The following RTEL1 variants were observed in gnomAD, a reference collection of about 807,000 sequenced individuals.
The protein encoded by RTEL1 is regulator of telomere elongation helicase 1.
A neutral mutation model predicts 162.2 loss-of-function variants in RTEL1; 86 were observed. That is an observed-to-expected ratio of 0.53 (90% CI 0.45 to 0.63). The LOEUF (loss-of-function observed/expected upper bound fraction) is 0.63, where lower values mean the gene tolerates loss of function less well. Ranked by LOEUF, RTEL1 falls within the 30% of genes least tolerant of loss-of-function variation. The pLI is 0.00. For synonymous variants in RTEL1, 958 were observed against 717.9 expected (o/e 1.33, Z -5.35); for missense variants, 1,941 against 1,750.2 (o/e 1.11, Z -1.95).
At chr20:63,678,478 G>A in intron 12 of RTEL1, 132 bp downstream of exon 12, 2 of 811,272 alleles carry the variant, frequency 2.5e-6, no homozygotes, top group Non-Finnish European at 3.9e-6. Flanking sequence ...TTGAGACCTG[G>A]GAGGAGCACC....
chr20:63,680,086 C>A (rs372678263), intron 13 of RTEL1, 140 bp downstream of exon 13: 11 of 635,714 alleles, frequency 1.7e-5, no homozygotes, highest in South Asian at 9.7e-5. Flanking sequence ...ATCTTCTGAT[C>A]GGGGCGTGGA....
intron 30 of RTEL1, among the ~76,000 whole-genome samples, chr20:63,694,118 C>T (rs982679095): frequency 7.2e-5 from 11 of 152,132 alleles, no homozygotes; most frequent in Non-Finnish European, 1.2e-4. Context: ...CTGGGATATC[C>T]TCATGCCTGC....
At chr20:63,666,757 T>C (rs975450652) in intron 7 of RTEL1, among the ~76,000 whole-genome samples, 1 of 151,980 alleles carries the variant, frequency 6.6e-6, no homozygotes, top group South Asian at 2.1e-4. Context: ...GCCAGTCTCC[T>C]GAGCTCGAGA....
At chr20:63,688,631 C>T (rs2090650940) in intron 21 of RTEL1, 26 bp downstream of exon 21, 6 of 1,583,654 alleles carry the variant, frequency 3.8e-6, no homozygotes, top group Middle Eastern at 1.8e-4. Context: ...GGGCTCTGGG[C>T]CTGCTGCCCC....
Position 63,693,260 on chromosome 20 carries a change from C to A in RTEL1, c.2969C>A (p.Ala990Glu), listed in dbSNP as rs370171864. 3 of 1,611,916 alleles carry A rather than the reference C, an allele frequency of 1.9e-6. No homozygotes were observed. Among genetic ancestry groups the A allele is most frequent in the Non-Finnish European group, 2.5e-6 (3 of 1,179,430 alleles). Reference sequence around the variant, plus strand: ...CACAGCATTCCCCGAAGGCAGCGGGCACAGCCGGTCCTGGACCCCACTGGT... The same window carrying A: ...CACAGCATTCCCCGAAGGCAGCGGGAACAGCCGGTCCTGGACCCCACTGGT... Reference protein sequence around the residue: ...PEHSIPRRQRAQPVLDPTGRT... With the variant: ...PEHSIPRRQREQPVLDPTGRT... Residue 990 changes from alanine to glutamate, a missense_variant, in exon 30 of 35, where the codon GCA becomes GAA. Coordinates refer to ENST00000360203, the MANE Select transcript of RTEL1 (RefSeq NM_001283009.2).
At position 63,695,455 on chromosome 20, in the gene RTEL1, C is replaced by A; in HGVS notation, c.3627C>A (p.Pro1209=). Residue 1209 remains proline (P), a synonymous_variant, in exon 34 of 35, where the codon CCC becomes CCA. Transcript: ENST00000360203. Reference sequence around the variant, plus strand: ...GTCCCAGCCAGTCCTCAGGACCTCCCCACGGGCCTGCAGCATCTGAGTGGG... The same window carrying A: ...GTCCCAGCCAGTCCTCAGGACCTCCACACGGGCCTGCAGCATCTGAGTGGG... ...DAGPSQSSGP[P]HGPAASEWGE... 1 of 1,590,744 alleles carries A rather than the reference C, an allele frequency of 6.3e-7. No individual in the cohort carries two copies. Among genetic ancestry groups the A allele is most frequent in the Admixed American group, 1.7e-5 (1 of 58,564 alleles).
intron 10 of RTEL1, 144 bp downstream of exon 10, chr20:63,674,237 C>T (rs1286098456): frequency 3.6e-6 from 5 of 1,406,228 alleles, no homozygotes; most frequent in African/African-American, 1.6e-5. Context: ...CTGCAGTGGG[C>T]AGCCTGCCCT....
At chr20:63,693,327 G>C (rs6011034) in intron 30 of RTEL1, 44 bp downstream of exon 30, 10 of 1,606,828 alleles carry the variant, frequency 6.2e-6, no homozygotes, top group African/African-American at 1.3e-5. Flanking sequence ...CTGCGTGGAA[G>C]GCAGTGTGGG....
chr20:63,688,369 A>G lies in RTEL1; in HGVS notation c.1705A>G (p.Ser569Gly). ...CCCTTCCTATCCTGTCATGGAGAAG[A>G]GCCTGGAGTTCTGGCGGGTGCGTCT... is the stretch of plus-strand genomic sequence containing the variant. The part of the protein sequence containing the change: ...FFPSYPVMEK[S>G]LEFWRARDLA... The change falls in exon 20 of 35, where the codon AGC becomes GGC. Residue 569 changes from serine to glycine, a missense_variant. Physicochemically the swap from Ser to Gly is moderately conservative, Grantham distance 56 (BLOSUM62 0). Transcript: ENST00000360203. 6.2e-7 allele frequency: 1 copy of G among 1,612,488 alleles called. No individual in the cohort carries two copies. Among genetic ancestry groups the G allele is most frequent in the Non-Finnish European group, 8.5e-7 (1 of 1,179,922 alleles).
At chr20:63,686,155 C>T in intron 16 of RTEL1, 1 of 523,174 alleles carries the variant, frequency 1.9e-6, no homozygotes, top group Non-Finnish European at 3.5e-6. Flanking sequence ...CTGGGACACG[C>T]TCGTTTATGC....
At chr20:63,665,938 T>C in intron 6 of RTEL1, 66 bp from the exon 7 acceptor site, 1 of 1,476,170 alleles carries the variant, frequency 6.8e-7, no homozygotes, top group African/African-American at 1.4e-5. Context: ...GTCCTGGGCA[T>C]CCCCCTGTGG....
At chr20:63,693,312 G>C (rs753729423) in intron 30 of RTEL1, 29 bp downstream of exon 30, 4 of 1,610,202 alleles carry the variant, frequency 2.5e-6, no homozygotes, top group Middle Eastern at 1.7e-4. Context: ...GGGACCCTCA[G>C]ACTCCTGCGT....
At position 63,670,741 on chromosome 20, in the gene RTEL1, T is replaced by C. The variant is rs551940435; in HGVS notation, c.700-1815T>C. Among the ~76,000 whole-genome samples, 18 of 151,284 alleles carry C rather than the reference T, an allele frequency of 1.2e-4. No individual in the cohort carries two copies. In the Middle Eastern group the frequency reaches 0.01, roughly 86 times the overall value. Reference sequence around the variant, plus strand: ...GCTCACGCCTGTAATCCCAGAACTTTAGGGGCCAAGGCTGGGGGATCGCTT... The same window carrying C: ...GCTCACGCCTGTAATCCCAGAACTTCAGGGGCCAAGGCTGGGGGATCGCTT... On this transcript the variant is annotated intron_variant, in intron 8 of 34. Coordinates refer to ENST00000360203, the MANE Select transcript of RTEL1 (RefSeq NM_001283009.2).
chr20:63,664,586 C>T (rs1267197047), intron 6 of RTEL1, among the ~76,000 whole-genome samples: 1 of 152,214 alleles, frequency 6.6e-6, no homozygotes, highest in East Asian at 1.9e-4. Flanking sequence ...AGACACAGGC[C>T]AGCCCCTGCC....
intron 14 of RTEL1, 105 bp from the exon 15 acceptor site, chr20:63,685,418 C>A: frequency 8.5e-7 from 1 of 1,173,270 alleles, no homozygotes; most frequent in Non-Finnish European, 1.2e-6. Context: ...GCCGGTGAAC[C>A]GATGACCCCT....
At chr20:63,658,670 G>A (rs550316045) in intron 1 of RTEL1, 1 of 152,400 alleles carries the variant, frequency 6.6e-6, no homozygotes, top group South Asian at 2.1e-4. Context: ...CCTTGACCGG[G>A]GCTGGAGGGA....
In RTEL1 at chr20:63,661,035, T is replaced by C. The variant is rs1359689612; in HGVS notation, c.103-263T>C. 1.3e-5 allele frequency among the ~76,000 whole-genome samples: 2 copies of C among 152,264 alleles called. No homozygotes were observed. The highest frequency in any genetic ancestry group is 2.9e-5 in the Non-Finnish European group (2 of 68,042). On this transcript the variant is annotated intron_variant, in intron 2 of 34. Coordinates refer to ENST00000360203, the MANE Select transcript of RTEL1 (RefSeq NM_001283009.2). The surrounding 1 kb of genome is among the most constrained non-coding windows in gnomAD (Gnocchi z 5.1). ...GACACCTAATTAGTCATCTTACTATTTAAGCTGAAAAATAGTGTCGTGTTT... is the reference window on the plus strand; with the variant it reads ...GACACCTAATTAGTCATCTTACTATCTAAGCTGAAAAATAGTGTCGTGTTT...
chr20:63,691,876 G>C (rs760672875), intron 28 of RTEL1, 39 bp downstream of exon 28: 2 of 1,558,462 alleles, frequency 1.3e-6, no homozygotes, highest in South Asian at 1.1e-5. Flanking sequence ...GACCACCATA[G>C]ACACGCATGG....
chr20:63,681,430 C>T (rs747638210), intron 14 of RTEL1: 5 of 985,204 alleles, frequency 5.1e-6, no homozygotes, highest in South Asian at 4.7e-5. Flanking sequence ...GTGTGGAGCC[C>T]TGTGAGGCCT....
Sources: gnomAD v4.1 joint callset for allele counts (sites outside exome capture counted in the v4.1 genomes callset) on GRCh38, gnomAD v4.1.1 for gene constraint, Gnocchi (gnomAD v3.1) non-coding constraint, MANE v1.5 for transcripts, NCBI Gene and HGNC (gene_info 2026-07-23, HGNC 2026-07-21) for gene names.